SPATA13: variants seen among roughly 807,000 people sequenced by gnomAD.
SPATA13 encodes the protein spermatogenesis-associated protein 13.
In SPATA13, 50 loss-of-function variants were observed where a neutral mutation model predicts 104.0. That is an observed-to-expected ratio of 0.48 (90% CI 0.38 to 0.61). SPATA13 has a LOEUF of 0.61. Among genes scored for constraint, SPATA13 ranks in the 20% least tolerant of loss-of-function variants. SPATA13 has a pLI of 0.00. For synonymous variants in SPATA13, 606 were observed against 667.5 expected, an observed-to-expected ratio of 0.91 and a Z score of 1.42; for missense variants, 1,524 against 1,690.6, an observed-to-expected ratio of 0.90 and a Z score of 1.73.
intron 3 of SPATA13, among the ~76,000 whole-genome samples, chr13:24,081,296 A>C (rs931945650): frequency 2.0e-5 from 3 of 152,282 alleles, no homozygotes; most frequent in African/African-American, 7.2e-5. Flanking sequence ...GTTCACCGGT[A>C]ATCTATATGA....
chr13:24,246,213 G>A lies in SPATA13; in HGVS notation c.1654-3264G>A, dbSNP rs75755612. The stretch of plus-strand genomic sequence containing the variant: ...CTTCTTGTACTTCTGTTTTTCTAGC[G>A]TGTTGTTCCTGAACCTTTTTATTAC... On this transcript the variant is annotated intron_variant, in intron 2 of 12. Transcript: ENST00000382108. Among the ~76,000 whole-genome samples, 77 of 152,260 alleles carry A rather than the reference G, an allele frequency of 5.1e-4. 2 individuals are homozygous for A. The highest frequency in any genetic ancestry group is 1.6e-3 in the Admixed American group (24 of 15,292).
intron 2 of SPATA13, chr13:24,017,652 T>C (rs1330525654): frequency 1.0e-6 from 1 of 985,272 alleles, no homozygotes; most frequent in African/African-American, 1.7e-5. Context: ...AACAACTCAT[T>C]TTTTTCCTTT....
At position 24,224,090 on chromosome 13, in the gene SPATA13, C is replaced by T. The variant is rs931095700; in HGVS notation, c.1161C>T (p.Cys387=). The change falls in exon 2 of 13, where the codon TGC becomes TGT. Residue 387 remains cysteine (C), a synonymous_variant. Transcript: ENST00000382108. ...GAVMHGTTAT[C]TVAPGFGSAT... is the part of the protein sequence containing the mutation. ...TCATGCATGGGACCACTGCAACCTGCACCGTGGCCCCCGGTTTCGGCTCAG... is the reference window on the plus strand; with the variant it reads ...TCATGCATGGGACCACTGCAACCTGTACCGTGGCCCCCGGTTTCGGCTCAG... 1.3e-6 allele frequency: 2 copies of T among 1,551,152 alleles called. No homozygotes were observed. The highest frequency in any genetic ancestry group is 1.4e-5 in the African/African-American group (1 of 73,048).
rs1006039415 is a variant in SPATA13 at position 24,000,534 on chromosome 13, G to A, written c.-147+16601G>A. On this transcript the variant is annotated intron_variant, in intron 2 of 14. Coordinates refer to the SPATA13 transcript ENST00000424834. ...AACCTGCCTTCTAGGGGGAAGACAG[G>A]CCACAAACCAAGCACACGGCAACAA... 4.6e-5 allele frequency among the ~76,000 whole-genome samples: 7 copies of A among 152,156 alleles called. No homozygotes were observed. In the East Asian group the frequency reaches 1.3e-3, roughly 29 times the overall value.
rs199534021 is a variant in SPATA13, at chr13:24,202,962, A to AT, written c.-111-19847dup. Among the ~76,000 whole-genome samples, 623 of 150,222 alleles carry AT rather than the reference A, an allele frequency of 4.1e-3. 1 individual carries two copies. Among genetic ancestry groups the AT allele is most frequent in the East Asian group, 0.031 (156 of 5,078 alleles). ...ATGTAATTCCTGGAATTATGGTGAG[A>AT]TTTTTTTTTTCCCTCAAGTTTTATT... On this transcript the variant is annotated intron_variant, in intron 1 of 12. Transcript: ENST00000382108.
intron 3 of SPATA13, among the ~76,000 whole-genome samples, chr13:24,124,015 G>C (rs906387445): frequency 5.9e-5 from 9 of 152,132 alleles, no homozygotes; most frequent in Non-Finnish European, 1.0e-4. Flanking sequence ...GTCCAGCTTG[G>C]CTCCAGCTAG....
intron 4 of SPATA13, among the ~76,000 whole-genome samples, chr13:24,268,021 C>A (rs532606453): frequency 1.0e-4 from 16 of 152,384 alleles, no homozygotes; most frequent in African/African-American, 3.6e-4. Context: ...CATGCTGATA[C>A]TGCTGGTCCA....
intron 3 of SPATA13, among the ~76,000 whole-genome samples, chr13:24,085,675 G>A (rs920578797): frequency 5.3e-5 from 8 of 152,196 alleles, no homozygotes; most frequent in African/African-American, 1.9e-4. Flanking sequence ...CCCTTTCCAG[G>A]GAGGGTTTAC....
chr13:24,097,234 G>C (rs1880113894), intron 3 of SPATA13, among the ~76,000 whole-genome samples: 1 of 152,146 alleles, frequency 6.6e-6, no homozygotes, highest in Admixed American at 6.5e-5. Flanking sequence ...CTATATGCCA[G>C]GCTTTGTGCT....
intron 1 of SPATA13, among the ~76,000 whole-genome samples, chr13:24,202,680 C>T (rs111367368): frequency 8.2e-4 from 123 of 150,320 alleles, no homozygotes; most frequent in African/African-American, 2.4e-3. Flanking sequence ...AAAATACAGA[C>T]GGAAGAGAGT....
intron 3 of SPATA13, among the ~76,000 whole-genome samples, chr13:24,141,723 A>G (rs1226825116): frequency 6.6e-6 from 1 of 152,248 alleles, no homozygotes; most frequent in Admixed American, 6.5e-5. Flanking sequence ...GGCTACCCAT[A>G]AACATTGCTG....
intron 3 of SPATA13, among the ~76,000 whole-genome samples, chr13:24,022,674 C>T (rs1877038909): frequency 6.6e-6 from 1 of 152,094 alleles, no homozygotes; most frequent in African/African-American, 2.4e-5. Flanking sequence ...CAAGAAGAAA[C>T]CATCTACAGG....
intron 7 of SPATA13, 49 bp from the exon 8 acceptor site, chr13:24,288,950 T>C (rs1347910175): frequency 6.6e-7 from 1 of 1,519,896 alleles, no homozygotes; most frequent in Non-Finnish European, 8.9e-7. Flanking sequence ...ACTATTCAAA[T>C]AATTTATTTG....
intron 4 of SPATA13, among the ~76,000 whole-genome samples, chr13:24,265,979 A>C (rs1215127118): frequency 6.6e-6 from 1 of 152,178 alleles, no homozygotes; most frequent in Non-Finnish European, 1.5e-5. Context: ...ACCATGTCAT[A>C]CTTAAAATAA....
At chr13:24,049,861 A>G (rs910997125) in intron 3 of SPATA13, among the ~76,000 whole-genome samples, 1 of 152,044 alleles carries the variant, frequency 6.6e-6, no homozygotes, top group Non-Finnish European at 1.5e-5. Context: ...ATTTGCAGAC[A>G]TTTTCAGACT....
chr13:24,302,172 T>G (rs1444988570), intron 12 of SPATA13, among the ~76,000 whole-genome samples: 1 of 152,166 alleles, frequency 6.6e-6, no homozygotes, highest in Non-Finnish European at 1.5e-5. Context: ...ATACCCTCCT[T>G]GGAGGCTTTT....
intron 2 of SPATA13, among the ~76,000 whole-genome samples, chr13:24,012,748 AGTCAT>A (rs1851707801): frequency 6.6e-6 from 1 of 152,270 alleles, no homozygotes; most frequent in Non-Finnish European, 1.5e-5. Context: ...GCATAGGAGC[AGTCAT>A]GCCCACTGCA....
At chr13:24,100,716 C>T (rs1156800161) in intron 3 of SPATA13, among the ~76,000 whole-genome samples, 1 of 150,104 alleles carries the variant, frequency 6.7e-6, no homozygotes, top group Non-Finnish European at 1.5e-5. Context: ...TGTTTCTCTT[C>T]AAAAGCCTGT....
intron 4 of SPATA13, among the ~76,000 whole-genome samples, chr13:24,257,397 CT>C (rs1873843601): frequency 6.6e-6 from 1 of 152,176 alleles, no homozygotes; most frequent in Admixed American, 6.5e-5. Flanking sequence ...CTTGAAAGCC[CT>C]TTAGTTAACC....
Sources: gnomAD v4.1 joint callset for allele counts (sites outside exome capture counted in the v4.1 genomes callset) on GRCh38, gnomAD v4.1.1 for gene constraint, MANE v1.5 for transcripts, NCBI Gene and HGNC (gene_info 2026-07-23, HGNC 2026-07-21) for gene names.